Variants in NUDT14 observed in about 807,000 individuals in gnomAD.
NUDT14 encodes nudix hydrolase 14, also known as uridine diphosphate glucose pyrophosphatase NUDT14.
Under a neutral mutation model 17.5 loss-of-function variants are expected in NUDT14, and 22 were observed. The ratio of observed to expected loss-of-function variants is 1.26; its 90% CI spans 0.90 to 1.80. The LOEUF (loss-of-function observed/expected upper bound fraction) is 1.80. Ranked by LOEUF, NUDT14 falls within the 40% of genes most tolerant of loss-of-function variation. The pLI is 0.00. For synonymous variants in NUDT14, 129 were observed against 125.8 expected (o/e 1.03, Z -0.17); for missense variants, 296 against 295.6 (o/e 1.00, Z -0.01).
At chr14:105,177,555 C>T in intron 2 of NUDT14, 137 bp downstream of exon 2, 1 of 781,650 alleles carries the variant, frequency 1.3e-6, no homozygotes, top group Non-Finnish European at 2.1e-6. Flanking sequence ...AGAGGCCGGG[C>T]AGAGAGAAGG....
Position 105,173,303 on chromosome 14 carries a change from C to A in NUDT14, c.429-42G>T. The A allele has an allele frequency of 2.1e-6, 3 of 1,460,608 alleles. No individual in the cohort carries two copies. The South Asian group carries it at 4.5e-5, about 22-fold the overall frequency. 90.5% of individuals were successfully genotyped at this position (1,460,608 alleles called of 1,614,324 possible). On this transcript the variant is annotated intron_variant, in intron 4 of 4. Transcript: ENST00000392568. This position sits in a 1 kb window ranked among gnomAD's most constrained non-coding sequence, Gnocchi z 4.7. ...GGTCTGCTGAGTCACCCACGCTGGCCCCGCTGGCCCCCTGGCCCTTCTACC... is the reference window on the plus strand; with the variant it reads ...GGTCTGCTGAGTCACCCACGCTGGCACCGCTGGCCCCCTGGCCCTTCTACC...
chr14:105,177,146 G>A, intron 2 of NUDT14, 119 bp from the exon 3 acceptor site: 1 of 918,956 alleles, frequency 1.1e-6, no homozygotes, highest in East Asian at 2.6e-5. Context: ...GCCCAGGGAG[G>A]TCAGGCCCCT....
At chr14:105,175,878 C>A in intron 4 of NUDT14, 1 of 1,154,990 alleles carries the variant, frequency 8.7e-7, no homozygotes. Context: ...GGGCCCTGGC[C>A]TCTGGAGGAG....
chr14:105,173,403 C>G lies in NUDT14; in HGVS notation c.429-142G>C. ...CAGGACTCTGGGATGCCCTCTCCCA[C>G]CCGGATTCCCACCTGGTGTGCACGC... On this transcript the variant is annotated intron_variant, in intron 4 of 4. Transcript: ENST00000392568. This position sits in a 1 kb window ranked among gnomAD's most constrained non-coding sequence, Gnocchi z 4.7. 1 of 965,916 alleles carries G rather than the reference C, an allele frequency of 1.0e-6. No homozygotes were observed. The highest frequency in any genetic ancestry group is 1.4e-6 in the Non-Finnish European group (1 of 719,732). 59.8% of individuals were successfully genotyped at this position (965,916 alleles called of 1,614,324 possible). A position where few individuals can be genotyped will look rare whatever the true frequency, so the allele number is the denominator to read the frequency against.
rs1889219069 is a variant in NUDT14 at position 105,176,660 on chromosome 14, A to G, written c.302T>C (p.Val101Ala). ...PALPGSAGVT[V>A]ELCAGLVDQP... The stretch of plus-strand genomic sequence containing the variant: ...GTCCACGAGGCCGGCACACAGCTCA[A>G]CTGTCACCCCCGCTGAGCCGGGCAG... The change falls in exon 4 of 5, where the codon GTT becomes GCT. Residue 101 changes from valine to alanine, a missense_variant. Physicochemically the swap from Val to Ala is moderately conservative, Grantham distance 64. Coordinates refer to ENST00000392568, the MANE Select transcript of NUDT14 (RefSeq NM_177533.5). 1.2e-6 allele frequency: 2 copies of G among 1,612,626 alleles called. No individual in the cohort carries two copies. The highest frequency in any genetic ancestry group is 1.7e-5 in the Admixed American group (1 of 59,994).
chr14:105,179,403 A>G (rs1889281982), intron 1 of NUDT14, among the ~76,000 whole-genome samples: 1 of 152,122 alleles, frequency 6.6e-6, no homozygotes, highest in Admixed American at 6.5e-5. Context: ...CCCTGAGGAG[A>G]TGCCGCCCAG....
chr14:105,172,952 G>A lies in NUDT14; in HGVS notation c.*69C>T. 1 of 1,408,084 alleles carries A rather than the reference G, an allele frequency of 7.1e-7. No individual in the cohort carries two copies. Among genetic ancestry groups the A allele is most frequent in the Non-Finnish European group, 9.3e-7 (1 of 1,074,452 alleles). The allele number at this position is 1,408,084 out of a possible 1,614,324, so 87.2% of individuals were successfully genotyped here. On this transcript the variant is annotated 3_prime_UTR_variant, in exon 5 of 5. Transcript: ENST00000392568. ...GCAGGCAGAAGCTGGAGCTATGCAA[G>A]CCTTTATTGGGGTCCGCGGGGTGTG...
Position 105,176,671 on chromosome 14 carries a change from C to T in NUDT14, c.291G>A (p.Ala97=), listed in dbSNP as rs200578196. ...CGGCACACAGCTCAACTGTCACCCC[C>T]GCTGAGCCGGGCAGGGCTGGCTGTA... The part of the protein sequence containing the change: ...RELQPALPGS[A]GVTVELCAGL... Residue 97 remains alanine (A), a synonymous_variant, in exon 4 of 5, where the codon GCG becomes GCA. Coordinates refer to ENST00000392568, the MANE Select transcript of NUDT14 (RefSeq NM_177533.5). 422 of 1,612,784 alleles carry T rather than the reference C, an allele frequency of 2.6e-4. 1 individual carries two copies. Among genetic ancestry groups the T allele is most frequent in the Non-Finnish European group, 2.7e-4 (314 of 1,179,988 alleles).
chr14:105,176,763 C>T lies in NUDT14; in HGVS notation c.199G>A (p.Ala67Thr), dbSNP rs1403727516. The T allele has an allele frequency of 6.2e-7, 1 of 1,612,276 alleles. No individual in the cohort carries two copies. Among genetic ancestry groups the T allele is most frequent in the Admixed American group, 1.7e-5 (1 of 60,018 alleles). The change falls in exon 4 of 5, where the codon GCG becomes ACG. Residue 67 changes from alanine (A) to threonine (T), a missense_variant. Physicochemically the swap from Ala to Thr is moderately conservative, Grantham distance 58. Transcript: ENST00000392568. Reference protein sequence around the residue: ...LVKQFRPAVYAGEVERRFPGS... With the variant: ...LVKQFRPAVYTGEVERRFPGS... ...GGGAAGCGGCGCTCCACCTCACCCG[C>T]ATACACAGCTGCGTGGGAAGAAGCC...
rs117495827 is a variant in NUDT14, at chr14:105,177,755, G to A, written c.82-20C>T. 2,698 of 1,611,214 alleles carry A rather than the reference G, an allele frequency of 1.7e-3. 5 individuals are homozygous for A. The highest frequency in any genetic ancestry group is 2.0e-3 in the Non-Finnish European group (2,328 of 1,178,750). On this transcript the variant is annotated intron_variant, in intron 1 of 4. Transcript: ENST00000392568. ...ACCATTCTAGAAGGGGCAGGTCAGC[G>A]GTTAGAATGTCCCAGGATGGGCGGA...
intron 2 of NUDT14, 173 bp from the exon 3 acceptor site, chr14:105,177,200 C>T: frequency 1.5e-6 from 1 of 668,226 alleles, no homozygotes; most frequent in South Asian, 1.7e-5. Context: ...CCAGAGCTTT[C>T]CAGGGTCACA....
chr14:105,177,308 G>T, intron 2 of NUDT14: 1 of 603,198 alleles, frequency 1.7e-6, no homozygotes, highest in South Asian at 1.8e-5. Flanking sequence ...CAGGGTGCTC[G>T]CAGCTGAGGC....
At chr14:105,176,873 GC>G in intron 3 of NUDT14, 89 bp downstream of exon 3, 3 of 1,553,466 alleles carry the variant, frequency 1.9e-6, no homozygotes, top group South Asian at 2.2e-5. Context: ...TTCCCCTGGA[GC>G]CCCCTCCCAC....
At chr14:105,177,431 G>A in intron 2 of NUDT14, 1 of 560,112 alleles carries the variant, frequency 1.8e-6, no homozygotes, top group Non-Finnish European at 3.2e-6. Flanking sequence ...AAGGCTCCAG[G>A]ACAGCCTCTC....
rs201967340 is a variant in NUDT14, at chr14:105,172,977, G to A, written c.*44C>T. ...GCCTTTATTGGGGTCCGCGGGGTGT[G>A]GGGTGAGTGGCCAAGACTGGCCTCT... is the stretch of plus-strand genomic sequence containing the variant. On this transcript the variant is annotated 3_prime_UTR_variant, in exon 5 of 5. Coordinates refer to ENST00000392568, the MANE Select transcript of NUDT14 (RefSeq NM_177533.5). The A allele has an allele frequency of 1.2e-5, 18 of 1,462,972 alleles. No individual in the cohort carries two copies. The African/African-American group carries it at 2.3e-4, about 19-fold the overall frequency. The allele number at this position is 1,462,972 out of a possible 1,614,324, so 90.6% of individuals were successfully genotyped here.
Position 105,173,401 on chromosome 14 carries a change from C to A in NUDT14, c.429-140G>T. ...GGCAGGACTCTGGGATGCCCTCTCC[C>A]ACCCGGATTCCCACCTGGTGTGCAC... On this transcript the variant is annotated intron_variant, in intron 4 of 4. Transcript: ENST00000392568. The surrounding 1 kb of genome is among the most constrained non-coding windows in gnomAD (Gnocchi z 4.7). 1 of 988,728 alleles carries A rather than the reference C, an allele frequency of 1.0e-6. No individual in the cohort carries two copies. Among genetic ancestry groups the A allele is most frequent in the Non-Finnish European group, 1.4e-6 (1 of 740,410 alleles). 61.2% of individuals were successfully genotyped at this position (988,728 alleles called of 1,614,324 possible). A position where few individuals can be genotyped will look rare whatever the true frequency, so the allele number is the denominator to read the frequency against.
At chr14:105,178,143 G>A (rs888601328) in intron 1 of NUDT14, among the ~76,000 whole-genome samples, 1 of 152,064 alleles carries the variant, frequency 6.6e-6, no homozygotes, top group Non-Finnish European at 1.5e-5. Context: ...GCAGAGGAGA[G>A]GTCAGGTTTT....
In NUDT14 at chr14:105,181,019, G is replaced by GGGGGCGGGGCTCC. The variant is rs1202156257; in HGVS notation, c.81+97_81+109dup. Reference sequence around the variant, plus strand: ...GCCGCCCGGGAGATCGGCGGGAGGCGGGGGCGGGGCTCCGGGGCGGGGCCG... The same window carrying GGGGGCGGGGCTCC: ...GCCGCCCGGGAGATCGGCGGGAGGCGGGGGCGGGGCTCCGGGGCGGGGCTCCGGGGCGGGGCCG... On this transcript the variant is annotated intron_variant, in intron 1 of 4. Transcript: ENST00000392568. The surrounding 1 kb of genome is among the most constrained non-coding windows in gnomAD (Gnocchi z 5.0). 6.0e-5 allele frequency: 17 copies of GGGGGCGGGGCTCC among 284,308 alleles called. No homozygotes were observed. Among genetic ancestry groups the GGGGGCGGGGCTCC allele is most frequent in the Non-Finnish European group, 7.6e-5 (14 of 185,252 alleles). 17.6% of individuals were successfully genotyped at this position (284,308 alleles called of 1,614,324 possible). A position where few individuals can be genotyped will look rare whatever the true frequency, so the allele number is the denominator to read the frequency against.
intron 3 of NUDT14, 72 bp from the exon 4 acceptor site, chr14:105,176,843 C>G (rs1048901399): frequency 6.4e-7 from 1 of 1,567,006 alleles, no homozygotes; most frequent in African/African-American, 1.4e-5. Context: ...CACAGCCAAG[C>G]CCCCTCCCAG....
Sources: allele counts gnomAD v4.1 joint callset (sites outside exome capture counted in the v4.1 genomes callset), GRCh38; gene constraint gnomAD v4.1.1; non-coding constraint Gnocchi (gnomAD v3.1); transcripts MANE v1.5; gene names NCBI Gene and HGNC (gene_info 2026-07-23, HGNC 2026-07-21).